Variants in PCDH17 observed in about 807,000 individuals in gnomAD.
PCDH17 encodes the protein protocadherin-17.
A neutral mutation model predicts 67.7 loss-of-function variants in PCDH17; 21 were observed. That is an observed-to-expected ratio of 0.31 (90% CI 0.22 to 0.45). The LOEUF (loss-of-function observed/expected upper bound fraction) is 0.45, where lower values mean the gene tolerates loss of function less well. Ranked by LOEUF, PCDH17 falls within the 20% of genes least tolerant of loss-of-function variation. PCDH17 has a pLI of 1.00. For missense variants in PCDH17, 1,471 were observed against 1,564.8 expected (o/e 0.94, Z 1.01); for synonymous variants, 701 against 656.7 (o/e 1.07, Z -1.03).
chr13:57,637,520 T>C (rs1166088233), intron 1 of PCDH17, among the ~76,000 whole-genome samples: 1 of 151,896 alleles, frequency 6.6e-6, no homozygotes, highest in African/African-American at 2.4e-5. Flanking sequence ...TATCCCATAA[T>C]CTTGTTTCAG....
intron 3 of PCDH17, among the ~76,000 whole-genome samples, chr13:57,703,415 G>A (rs982071829): frequency 6.6e-6 from 1 of 152,130 alleles, no homozygotes; most frequent in African/African-American, 2.4e-5. Context: ...GCAAGAAAGT[G>A]TATAGTGGAG....
At chr13:57,703,982 A>G (rs1232011012) in intron 3 of PCDH17, among the ~76,000 whole-genome samples, 1 of 152,034 alleles carries the variant, frequency 6.6e-6, no homozygotes, top group Non-Finnish European at 1.5e-5. Context: ...CAGAATGTTG[A>G]CTTATCCTTT....
rs774364242 is a variant in PCDH17, at chr13:57,725,027, C to T, written c.3213C>T (p.Tyr1071=). 1.9e-6 allele frequency: 3 copies of T among 1,614,192 alleles called. No individual in the cohort carries two copies. Among genetic ancestry groups the T allele is most frequent in the Non-Finnish European group, 2.5e-6 (3 of 1,180,012 alleles). Reference sequence around the variant, plus strand: ...CCCTGGCTGAAGCAAGCAGTCAGTACTTGCCCACTGACAGTCAATATCTGT... The same window carrying T: ...CCCTGGCTGAAGCAAGCAGTCAGTATTTGCCCACTGACAGTCAATATCTGT... ...PGALAEASSQ[Y]LPTDSQYLSP... Residue 1071 remains tyrosine (Y), a synonymous_variant, in exon 4 of 4, where the codon TAC becomes TAT. Transcript: ENST00000377918.
chr13:57,631,571 CG>C (rs1388606665), upstream of PCDH17, among the ~76,000 whole-genome samples: 6 of 152,112 alleles, frequency 3.9e-5, no homozygotes, highest in Admixed American at 3.3e-4. Flanking sequence ...GTGTGTTCTA[CG>C]AACAGAGGCG....
intron 3 of PCDH17, among the ~76,000 whole-genome samples, chr13:57,710,410 C>G (rs1344991948): frequency 6.6e-6 from 1 of 151,814 alleles, no homozygotes; most frequent in African/African-American, 2.4e-5. Flanking sequence ...ATTATAATGG[C>G]TAATGAAGCT....
intron 2 of PCDH17, 37 bp downstream of exon 2, chr13:57,666,563 T>C: frequency 6.2e-7 from 1 of 1,609,398 alleles, no homozygotes; most frequent in Non-Finnish European, 8.5e-7. Context: ...AGCTTCCCCA[T>C]TTGCATTCGT....
intron 3 of PCDH17, among the ~76,000 whole-genome samples, chr13:57,671,907 A>C (rs191640518): frequency 6.6e-6 from 1 of 152,024 alleles, no homozygotes; most frequent in Non-Finnish European, 1.5e-5. Flanking sequence ...ACTGGATTCA[A>C]GGACTTCTCT....
At chr13:57,714,059 TA>T (rs1454640402) in intron 3 of PCDH17, among the ~76,000 whole-genome samples, 4 of 151,594 alleles carry the variant, frequency 2.6e-5, no homozygotes, top group Non-Finnish European at 5.9e-5. Context: ...AGAATGTCAT[TA>T]AAAATATTAA....
At chr13:57,650,841 C>T (rs1324824882) in intron 1 of PCDH17, among the ~76,000 whole-genome samples, 2 of 152,084 alleles carry the variant, frequency 1.3e-5, no homozygotes, top group Non-Finnish European at 2.9e-5. Context: ...AGTAAATCTG[C>T]AATTCTTCCT....
intron 3 of PCDH17, among the ~76,000 whole-genome samples, chr13:57,690,439 TATATTC>T (rs1955548046): frequency 6.6e-6 from 1 of 151,598 alleles, no homozygotes; most frequent in Non-Finnish European, 1.5e-5. Context: ...TGTAGGAGAT[TATATTC>T]AAAGGTTCTT....
chr13:57,633,791 G>T lies in PCDH17; in HGVS notation c.1245G>T (p.Glu415Asp). ...GGGGTTCCGTCCCCTTCAAGCTTGA[G>T]GAGAACTACGACAACTTCTACACGG... ...GPGGSVPFKL[E>D]ENYDNFYTVV... Residue 415 changes from glutamate to aspartate, a missense_variant, in exon 1 of 4, where the codon GAG (glutamate) becomes GAT (aspartate). Coordinates refer to ENST00000377918, the MANE Select transcript of PCDH17 (RefSeq NM_001040429.3). This position sits in a 1 kb window ranked among gnomAD's most constrained non-coding sequence, Gnocchi z 6.2. 1 of 1,607,268 alleles carries T rather than the reference G, an allele frequency of 6.2e-7. No individual in the cohort carries two copies.
At chr13:57,697,256 T>C (rs1444165097) in intron 3 of PCDH17, among the ~76,000 whole-genome samples, 6 of 151,690 alleles carry the variant, frequency 4.0e-5, no homozygotes, top group African/African-American at 1.4e-4. Context: ...ATTCATAAAA[T>C]AAATGGTTTT....
intron 1 of PCDH17, among the ~76,000 whole-genome samples, chr13:57,635,974 A>C (rs1324887558): frequency 6.6e-6 from 1 of 152,224 alleles, no homozygotes; most frequent in Non-Finnish European, 1.5e-5. Flanking sequence ...TGATGTGCCA[A>C]AATGAATTCA....
chr13:57,641,315 T>C (rs1954890016), intron 1 of PCDH17, among the ~76,000 whole-genome samples: 1 of 151,300 alleles, frequency 6.6e-6, no homozygotes, highest in African/African-American at 2.4e-5. Flanking sequence ...AATAAAGAAG[T>C]CCTTAATGAC....
chr13:57,656,137 T>A (rs951695115), intron 1 of PCDH17, among the ~76,000 whole-genome samples: 1 of 152,108 alleles, frequency 6.6e-6, no homozygotes, highest in Non-Finnish European at 1.5e-5. Flanking sequence ...GAAGAATGAA[T>A]AATAAACATC....
intron 3 of PCDH17, among the ~76,000 whole-genome samples, chr13:57,669,267 G>A (rs956256545): frequency 6.6e-5 from 10 of 151,926 alleles, no homozygotes; most frequent in Non-Finnish European, 1.0e-4. Context: ...GTAAGGAAAC[G>A]TTAGATCATT....
chr13:57,714,899 T>C (rs1222859965), intron 3 of PCDH17, among the ~76,000 whole-genome samples: 1 of 151,684 alleles, frequency 6.6e-6, no homozygotes, highest in African/African-American at 2.4e-5. Flanking sequence ...AAGAAACCTA[T>C]AGGTGCTGAG....
At chr13:57,714,282 C>T (rs1955800562) in intron 3 of PCDH17, among the ~76,000 whole-genome samples, 1 of 151,660 alleles carries the variant, frequency 6.6e-6, no homozygotes, top group African/African-American at 2.4e-5. Flanking sequence ...AGGATTTAAA[C>T]TGGTAAATAG....
At chr13:57,686,622 T>C (rs1955510401) in intron 3 of PCDH17, among the ~76,000 whole-genome samples, 1 of 151,926 alleles carries the variant, frequency 6.6e-6, no homozygotes, top group Admixed American at 6.6e-5. Flanking sequence ...GGCAATTAGA[T>C]GGATATGACA....
Sources: allele counts gnomAD v4.1 joint callset (sites outside exome capture counted in the v4.1 genomes callset), GRCh38; gene constraint gnomAD v4.1.1; non-coding constraint Gnocchi (gnomAD v3.1); transcripts MANE v1.5; gene names NCBI Gene and HGNC (gene_info 2026-07-23, HGNC 2026-07-21).